The following DNAH17 variants were observed in gnomAD, a reference collection of about 807,000 sequenced individuals.
DNAH17 encodes axonemal beta dynein heavy chain 17.
Under a neutral mutation model 485.6 loss-of-function variants are expected in DNAH17, and 376 were observed. The observed-to-expected ratio is 0.77, with a 90% CI of 0.71 to 0.84. The LOEUF is 0.84. Among genes scored for constraint, DNAH17 ranks in the 40% least tolerant of loss-of-function variants. The pLI is 0.00. For synonymous variants in DNAH17, 3,031 were observed against 2,405.9 expected (o/e 1.26, Z -7.60); for missense variants, 6,370 against 5,839.3 (o/e 1.09, Z -2.96).
chr17:78,543,541 C>T (rs1275150948), intron 17 of DNAH17, among the ~76,000 whole-genome samples: 1 of 152,096 alleles, frequency 6.6e-6, no homozygotes, highest in African/African-American at 2.4e-5. Flanking sequence ...CCACCCGCCT[C>T]GGCCTCCCAA....
intron 76 of DNAH17, 59 bp downstream of exon 76, chr17:78,429,062 C>T (rs922241027): frequency 3.1e-5 from 48 of 1,567,918 alleles, no homozygotes; most frequent in Non-Finnish European, 4.1e-5. Flanking sequence ...CTGGCAGGCT[C>T]TCACCGGGAG....
Position 78,437,654 on chromosome 17 carries a change from TCCAGGG to T in DNAH17, c.12014_12019del (p.Ala4005_Leu4006del). ...GCGTGGCCCTACCTGGGTGAACAGG[TCCAGGG>T]CCTTGTGCAAGTTGGCGTGCATGCC... On this transcript the variant is annotated inframe_deletion, in exon 74 of 81. Coordinates refer to ENST00000389840, the MANE Select transcript of DNAH17 (RefSeq NM_173628.4). 1 of 1,609,380 alleles carries T rather than the reference TCCAGGG, an allele frequency of 6.2e-7. No individual in the cohort carries two copies. The highest frequency in any genetic ancestry group is 8.5e-7 in the Non-Finnish European group (1 of 1,178,208).
intron 40 of DNAH17, 24 bp downstream of exon 40, chr17:78,494,569 G>A: frequency 6.2e-7 from 1 of 1,611,308 alleles, no homozygotes; most frequent in Non-Finnish European, 8.5e-7. Flanking sequence ...TCTCCGGACA[G>A]ACCTGAGACC....
intron 16 of DNAH17, among the ~76,000 whole-genome samples, chr17:78,549,138 C>G (rs9907290): frequency 6.6e-6 from 1 of 152,198 alleles, no homozygotes; most frequent in Non-Finnish European, 1.5e-5. Flanking sequence ...TTCACATATT[C>G]GAGTCCTAGC....
chr17:78,533,480 A>T (rs751787103), intron 19 of DNAH17, among the ~76,000 whole-genome samples: 14 of 152,062 alleles, frequency 9.2e-5, no homozygotes, highest in Non-Finnish European at 1.9e-4. Context: ...AGGGGAACTA[A>T]AGGAAGTCTA....
intron 56 of DNAH17, among the ~76,000 whole-genome samples, chr17:78,466,322 G>A (rs1258936351): frequency 6.6e-6 from 1 of 152,142 alleles, no homozygotes; most frequent in Non-Finnish European, 1.5e-5. Context: ...AGGGTCCTCT[G>A]CCTAGGAAAA....
chr17:78,492,008 G>A (rs896505732), intron 42 of DNAH17, among the ~76,000 whole-genome samples: 1 of 152,172 alleles, frequency 6.6e-6, no homozygotes, highest in Non-Finnish European at 1.5e-5. Context: ...TTCTAGTAGG[G>A]GAAGTGAGCT....
At chr17:78,498,458 T>G (rs2090154486) in intron 37 of DNAH17, among the ~76,000 whole-genome samples, 1 of 152,218 alleles carries the variant, frequency 6.6e-6, no homozygotes, top group Admixed American at 6.5e-5. Context: ...ATGCTCCTCC[T>G]AACAAGTGGG....
rs747869222 is a variant in DNAH17 at position 78,475,383 on chromosome 17, C to T, written c.8406G>A (p.Val2802=). ...SPRGNALLVG[V]GGSGKQSLSR... ...AGAGGCTCTGTTTGCCACTGCCGCC[C>T]ACCCCCACCAGCAGGGCATTCCCCC... The change falls in exon 54 of 81, where the codon GTG becomes GTA. Residue 2802 remains valine, a synonymous_variant. Transcript: ENST00000389840. The T allele has an allele frequency of 6.2e-7, 1 of 1,613,984 alleles. No homozygotes were observed. Among genetic ancestry groups the T allele is most frequent in the East Asian group, 2.2e-5 (1 of 44,888 alleles).
intron 65 of DNAH17, 23 bp from the exon 66 acceptor site, chr17:78,451,696 G>C (rs748817418): frequency 1.9e-6 from 3 of 1,539,228 alleles, no homozygotes; most frequent in Non-Finnish European, 2.6e-6. Flanking sequence ...GGAGGAAAGG[G>C]TTAGTGGGCC....
intron 54 of DNAH17, among the ~76,000 whole-genome samples, chr17:78,473,399 A>C (rs56330610): frequency 0.16 from 24,778 of 151,280 alleles, 2,114 homozygotes; most frequent in East Asian, 0.22. Flanking sequence ...AAAAAATTAG[A>C]CGGGCGTGGT....
rs551743407 is a variant in DNAH17 at position 78,449,393 on chromosome 17, A to T, written c.11211+21T>A. 37 of 1,539,658 alleles carry T rather than the reference A, an allele frequency of 2.4e-5. No individual in the cohort carries two copies. In the African/African-American group the frequency reaches 3.7e-4, roughly 15 times the overall value. ...CCGCTGGTCCACGGACCACACTAGG[A>T]ACAGTGAGGCTAGACATTACCTGAA... On this transcript the variant is annotated intron_variant, in intron 69 of 80. Transcript: ENST00000389840.
In DNAH17 at chr17:78,430,728, A is replaced by C. The variant is rs541459111; in HGVS notation, c.12226-1428T>G. ...TCTGAGTAGCTGGGATTACAGGTGC[A>C]CACCACCATAGCCAGCTAATATTTT... On this transcript the variant is annotated intron_variant, in intron 75 of 80. Coordinates refer to ENST00000389840, the MANE Select transcript of DNAH17 (RefSeq NM_173628.4). Among the ~76,000 whole-genome samples, 76 of 151,980 alleles carry C rather than the reference A, an allele frequency of 5.0e-4. 1 individual carries two copies. Among genetic ancestry groups the C allele is most frequent in the Non-Finnish European group, 9.7e-4 (66 of 67,994 alleles).
At position 78,484,918 on chromosome 17, in the gene DNAH17, C is replaced by T; in HGVS notation, c.7599G>A (p.Gly2533=). The change falls in exon 48 of 81, where the codon GGG becomes GGA. Residue 2533 remains glycine, a synonymous_variant. Coordinates refer to ENST00000389840, the MANE Select transcript of DNAH17 (RefSeq NM_173628.4). ...DMNMPEVDKY[G]TVAPHTLIRQ... ...GGATGAGGGTGTGCGGGGCCACCGT[C>T]CCATACTTGTCCACCTCGGGCATGT... 1.9e-6 allele frequency: 3 copies of T among 1,602,672 alleles called. No homozygotes were observed. Among genetic ancestry groups the T allele is most frequent in the Non-Finnish European group, 2.6e-6 (3 of 1,174,298 alleles).
chr17:78,490,882 G>A, intron 43 of DNAH17, 35 bp from the exon 44 acceptor site: 1 of 1,552,578 alleles, frequency 6.4e-7, no homozygotes, highest in East Asian at 2.3e-5. Flanking sequence ...GGGTCCTAAG[G>A]CGACACCTGC....
At position 78,537,349 on chromosome 17, in the gene DNAH17, T is replaced by G. The variant is rs1703029349; in HGVS notation, c.2809A>C (p.Asn937His). The part of the protein sequence containing the change: ...LIEGLVNDIY[N>H]VARLIPRLAK... ...AGCCGAGGGATGAGCCTGGCTACGT[T>G]GTAGATGTCGTTGACCAGGCCCTCG... is the stretch of plus-strand genomic sequence containing the variant. The change falls in exon 19 of 81, where the codon AAC (asparagine) becomes CAC (histidine). Residue 937 changes from asparagine (N) to histidine (H), a missense_variant. Transcript: ENST00000389840. The G allele has an allele frequency of 6.2e-7, 1 of 1,606,434 alleles. No homozygotes were observed. Among genetic ancestry groups the G allele is most frequent in the Non-Finnish European group, 8.5e-7 (1 of 1,176,958 alleles).
At chr17:78,450,057 C>T in intron 68 of DNAH17, 197 bp downstream of exon 68, 1 of 624,364 alleles carries the variant, frequency 1.6e-6, no homozygotes, top group Non-Finnish European at 2.8e-6. Context: ...CATACCCTCT[C>T]CTGGGGAGAA....
chr17:78,518,472 A>T (rs1055584155), intron 25 of DNAH17, among the ~76,000 whole-genome samples: 1 of 152,232 alleles, frequency 6.6e-6, no homozygotes, highest in Non-Finnish European at 1.5e-5. Flanking sequence ...GTACACACCA[A>T]GCAACAGAGC....
intron 57 of DNAH17, among the ~76,000 whole-genome samples, chr17:78,462,618 A>G (rs1034142120): frequency 2.6e-5 from 4 of 152,260 alleles, no homozygotes; most frequent in Admixed American, 6.5e-5. Context: ...TGCGCCCTCC[A>G]TACAATCAAC....
Sources: gnomAD v4.1 joint callset for allele counts (sites outside exome capture counted in the v4.1 genomes callset) on GRCh38, gnomAD v4.1.1 for gene constraint, MANE v1.5 for transcripts, NCBI Gene and HGNC (gene_info 2026-07-23, HGNC 2026-07-21) for gene names.